ATXN1: variants seen among roughly 807,000 people sequenced by gnomAD.
ATXN1 encodes ataxin 1.
Under a neutral mutation model 56.4 loss-of-function variants are expected in ATXN1, and 8 were observed. The ratio of observed to expected loss-of-function variants is 0.14; its 90% confidence interval spans 0.08 to 0.26. The LOEUF (loss-of-function observed/expected upper bound fraction) is 0.26. Among genes scored for constraint, ATXN1 ranks in the 10% least tolerant of loss-of-function variants. ATXN1 has a pLI of 1.00. For missense variants in ATXN1, 987 were observed against 1,106.5 expected, an observed-to-expected ratio of 0.89 and a Z score of 1.53; for synonymous variants, 514 against 494.6, an observed-to-expected ratio of 1.04 and a Z score of -0.52.
intron 6 of ATXN1, among the ~76,000 whole-genome samples, chr6:16,343,840 A>G (rs1363598999): frequency 2.0e-5 from 3 of 152,118 alleles, no homozygotes; most frequent in African/African-American, 7.2e-5. Flanking sequence ...ATTTGTAACC[A>G]GTGGGTGTGG....
intron 6 of ATXN1, among the ~76,000 whole-genome samples, chr6:16,426,242 G>C (rs1324330739): frequency 6.7e-6 from 1 of 149,736 alleles, no homozygotes; most frequent in Non-Finnish European, 1.5e-5. Context: ...TTTTGACAGG[G>C]CTTATTAACA....
chr6:16,609,626 T>C (rs556913714), intron 3 of ATXN1, among the ~76,000 whole-genome samples: 69 of 152,274 alleles, frequency 4.5e-4, no homozygotes, highest in Admixed American at 9.2e-4. Flanking sequence ...GTCCAACCTT[T>C]CCCTAATGGT....
In ATXN1 at chr6:16,346,805, G is replaced by A. The variant is rs1276239025; in HGVS notation, c.-160-18335C>T. Among the ~76,000 whole-genome samples the A allele has an allele frequency of 2.6e-5, 4 of 152,278 alleles. No homozygotes were observed. The East Asian group carries it at 7.7e-4, about 29-fold the overall frequency. On this transcript the variant is annotated intron_variant, in intron 6 of 7. Transcript: ENST00000436367. ...CGGCTCTTGAGGAGCCCTTCACCCC[G>A]CCGCTGCACTGTGGGACCTCTTTCT...
At chr6:16,369,374 C>T (rs1761992443) in intron 6 of ATXN1, among the ~76,000 whole-genome samples, 1 of 152,202 alleles carries the variant, frequency 6.6e-6, no homozygotes, top group Non-Finnish European at 1.5e-5. Flanking sequence ...GATGAATAAA[C>T]CTGATCTCCA....
At chr6:16,396,891 G>T (rs1379168665) in intron 6 of ATXN1, among the ~76,000 whole-genome samples, 6 of 152,226 alleles carry the variant, frequency 3.9e-5, no homozygotes, top group African/African-American at 1.4e-4. Flanking sequence ...AGTACAGTAA[G>T]GTGCTGAGTG....
chr6:16,748,972 C>T (rs1415044168), intron 2 of ATXN1, among the ~76,000 whole-genome samples: 1 of 152,214 alleles, frequency 6.6e-6, no homozygotes, highest in Non-Finnish European at 1.5e-5. Flanking sequence ...AAGTCTTAGA[C>T]TAACTTTCTC....
rs535818958 is a variant in ATXN1, at chr6:16,676,455, C to T, written c.-614-18554G>A. ...TTCTGGTATTAGCACTAGTTTCATACATCCTTTTAAATGTTAGGGACATTG... is the reference window on the plus strand; with the variant it reads ...TTCTGGTATTAGCACTAGTTTCATATATCCTTTTAAATGTTAGGGACATTG... On this transcript the variant is annotated intron_variant, in intron 2 of 7. Coordinates refer to ENST00000436367, the MANE Select transcript of ATXN1 (RefSeq NM_001128164.2). Among the ~76,000 whole-genome samples the T allele has an allele frequency of 1.1e-3, 165 of 152,312 alleles. 1 individual carries two copies. The South Asian group carries it at 0.016, about 15-fold the overall frequency.
At chr6:16,592,178 C>A (rs190838289) in intron 3 of ATXN1, among the ~76,000 whole-genome samples, 7 of 152,238 alleles carry the variant, frequency 4.6e-5, no homozygotes, top group Admixed American at 1.3e-4. Flanking sequence ...GCTCTGCCCC[C>A]CTCCCAGTAC....
At chr6:16,725,575 T>C (rs1425411520) in intron 2 of ATXN1, among the ~76,000 whole-genome samples, 1 of 152,212 alleles carries the variant, frequency 6.6e-6, no homozygotes, top group Non-Finnish European at 1.5e-5. Context: ...TTGGTTGAAA[T>C]GCCCTGTGAA....
At chr6:16,461,829 C>A (rs1760004727) in intron 6 of ATXN1, among the ~76,000 whole-genome samples, 1 of 152,152 alleles carries the variant, frequency 6.6e-6, no homozygotes, top group South Asian at 2.1e-4. Context: ...GCTGAGAAGG[C>A]AAACGAAACA....
At chr6:16,382,456 T>C (rs1316957451) in intron 6 of ATXN1, among the ~76,000 whole-genome samples, 1 of 152,010 alleles carries the variant, frequency 6.6e-6, no homozygotes, top group East Asian at 1.9e-4. Context: ...AGAGTGAGAC[T>C]CTCTCCCTAA....
At chr6:16,393,909 T>TG (rs1561878933) in intron 6 of ATXN1, among the ~76,000 whole-genome samples, 1 of 143,096 alleles carries the variant, frequency 7.0e-6, no homozygotes, top group Non-Finnish European at 1.5e-5. Flanking sequence ...TCACCTTTTT[T>TG]TTTTTTTTTT....
At chr6:16,630,011 C>G (rs933722454) in intron 3 of ATXN1, among the ~76,000 whole-genome samples, 1 of 152,002 alleles carries the variant, frequency 6.6e-6, no homozygotes, top group Non-Finnish European at 1.5e-5. Flanking sequence ...ACATCTTGCC[C>G]ATTTATTAGA....
Position 16,405,162 on chromosome 6 carries a change from G to A in ATXN1, c.-160-76692C>T, listed in dbSNP as rs185785802. Among the ~76,000 whole-genome samples, 7 of 152,270 alleles carry A rather than the reference G, an allele frequency of 4.6e-5. No individual in the cohort carries two copies. The East Asian group carries it at 9.6e-4, about 21-fold the overall frequency. ...TACATCAGTGCTCCTCAGCACACAC[G>A]ACAGAAAATATATCTGCTCTGGACT... On this transcript the variant is annotated intron_variant, in intron 6 of 7. Coordinates refer to ENST00000436367, the MANE Select transcript of ATXN1 (RefSeq NM_001128164.2).
chr6:16,541,592 G>A (rs2113717277), intron 4 of ATXN1, among the ~76,000 whole-genome samples: 1 of 152,304 alleles, frequency 6.6e-6, no homozygotes. Flanking sequence ...TGAGAAATCT[G>A]GGATTCTTCC....
chr6:16,633,562 G>T (rs1160323859), intron 3 of ATXN1, among the ~76,000 whole-genome samples: 1 of 152,106 alleles, frequency 6.6e-6, no homozygotes, highest in Non-Finnish European at 1.5e-5. Flanking sequence ...GCCTCAAAGG[G>T]AGCTGAGTAC....
chr6:16,480,272 C>T (rs945723530), intron 6 of ATXN1, among the ~76,000 whole-genome samples: 7 of 151,576 alleles, frequency 4.6e-5, no homozygotes, highest in African/African-American at 1.7e-4. Context: ...CAAACAATTT[C>T]TGATGGAAGG....
chr6:16,402,957 G>A (rs1392441673), intron 6 of ATXN1, among the ~76,000 whole-genome samples: 2 of 152,198 alleles, frequency 1.3e-5, no homozygotes, highest in African/African-American at 4.8e-5. Context: ...AACCAGAGGA[G>A]GAAGGTGGTT....
chr6:16,420,208 G>A lies in ATXN1; in HGVS notation c.-161+65764C>T, dbSNP rs141701569. ...TGTTCTCCATAACGTGAGCTGCAGTGTTCTATGCTGCATTTTACTTCCCCG... is the reference window on the plus strand; with the variant it reads ...TGTTCTCCATAACGTGAGCTGCAGTATTCTATGCTGCATTTTACTTCCCCG... On this transcript the variant is annotated intron_variant, in intron 6 of 7. Coordinates refer to ENST00000436367, the MANE Select transcript of ATXN1 (RefSeq NM_001128164.2). Among the ~76,000 whole-genome samples the A allele has an allele frequency of 6.6e-4, 101 of 152,342 alleles. 1 individual carries two copies. The East Asian group carries it at 0.016, about 24-fold the overall frequency.
Sources: gnomAD v4.1 joint callset for allele counts (sites outside exome capture counted in the v4.1 genomes callset) on GRCh38, gnomAD v4.1.1 for gene constraint, MANE v1.5 for transcripts, NCBI Gene and HGNC (gene_info 2026-07-23, HGNC 2026-07-21) for gene names.